ADCY3: variants seen among roughly 807,000 people sequenced by gnomAD.
The protein encoded by ADCY3 is adenylate cyclase 3, also known as adenylate cyclase type 3.
In ADCY3, 70 loss-of-function variants were observed where a neutral mutation model predicts 119.4. The ratio of observed to expected loss-of-function variants is 0.59; its 90% confidence interval spans 0.48 to 0.72. ADCY3 has a LOEUF of 0.72. ADCY3 is among the 30% of genes least tolerant of loss of function. The pLI, the probability that ADCY3 is intolerant of heterozygous loss-of-function variation, is 0.00. For synonymous variants in ADCY3, 672 were observed against 621.4 expected (o/e 1.08, Z -1.21); for missense variants, 1,238 against 1,541.6 (o/e 0.80, Z 3.30).
rs1671533052 is a variant in ADCY3, at chr2:24,845,278, G to GA, written c.826-2895dup. On this transcript the variant is annotated intron_variant, in intron 3 of 21. Transcript: ENST00000679454. The stretch of plus-strand genomic sequence containing the variant: ...AGGTCAGAACAGTTTGGAGGGCTCA[G>GA]AAGAAGACAGGAAACTGTGGGGAAG... 2.6e-5 allele frequency among the ~76,000 whole-genome samples: 4 copies of GA among 152,356 alleles called. No individual in the cohort carries two copies. In the South Asian group the frequency reaches 8.3e-4, roughly 32 times the overall value.
intron 15 of ADCY3, 103 bp from the exon 16 acceptor site, chr2:24,826,229 T>A: frequency 9.6e-7 from 1 of 1,036,494 alleles, no homozygotes; most frequent in Non-Finnish European, 1.5e-6. Flanking sequence ...ACCCCAGCCC[T>A]AGAGCTCACC....
intron 2 of ADCY3, among the ~76,000 whole-genome samples, chr2:24,886,171 C>T (rs1348885987): frequency 6.6e-6 from 1 of 152,216 alleles, no homozygotes; most frequent in Admixed American, 6.5e-5. Flanking sequence ...CCACTGTGTT[C>T]CCAGCACTCA....
intron 3 of ADCY3, among the ~76,000 whole-genome samples, chr2:24,861,585 G>A (rs1417570756): frequency 1.3e-5 from 2 of 152,050 alleles, no homozygotes; most frequent in African/African-American, 4.8e-5. Context: ...TTCTCATGAG[G>A]AGCTTTTACA....
chr2:24,831,781 C>T, intron 11 of ADCY3, 32 bp from the exon 12 acceptor site: 1 of 1,503,042 alleles, frequency 6.7e-7, no homozygotes, highest in South Asian at 1.1e-5. Flanking sequence ...TGGGAGAGGC[C>T]AGAGGGGACA....
rs1036573145 is a variant in ADCY3, at chr2:24,887,171, G to A, written c.676-14452C>T. Among the ~76,000 whole-genome samples the A allele has an allele frequency of 2.6e-5, 4 of 152,316 alleles. 1 individual carries two copies. The highest frequency in any genetic ancestry group is 2.0e-4 in the Admixed American group (3 of 15,302). Reference sequence around the variant, plus strand: ...CACAAAACACCTCCTTCACAAAGCAGCAGGAAGACGTGCCGAGCGAAAGGG... The same window carrying A: ...CACAAAACACCTCCTTCACAAAGCAACAGGAAGACGTGCCGAGCGAAAGGG... On this transcript the variant is annotated intron_variant, in intron 2 of 21. Coordinates refer to ENST00000679454, the MANE Select transcript of ADCY3 (RefSeq NM_004036.5).
rs986998211 is a variant in ADCY3 at position 24,820,292 on chromosome 2, G to A, written c.3253-178C>T. 83 of 1,281,790 alleles carry A rather than the reference G, an allele frequency of 6.5e-5. No individual in the cohort carries two copies. The East Asian group carries it at 2.4e-3, about 37-fold the overall frequency. The allele number at this position is 1,281,790 out of a possible 1,614,324, so 79.4% of individuals were successfully genotyped here. A position where few individuals can be genotyped will look rare whatever the true frequency, so the allele number is the denominator to read the frequency against. ...CCCGTGGCGAGCAGCGGGTGGGAAG[G>A]AGAACCCTGGAGTGACTGGCTGGGG... On this transcript the variant is annotated intron_variant, in intron 21 of 21. Coordinates refer to ENST00000679454, the MANE Select transcript of ADCY3 (RefSeq NM_004036.5).
intron 9 of ADCY3, among the ~76,000 whole-genome samples, chr2:24,836,620 T>C (rs760494104): frequency 2.0e-5 from 3 of 152,202 alleles, no homozygotes; most frequent in Non-Finnish European, 4.4e-5. Flanking sequence ...TAATTTTCCA[T>C]GGATGTCCTC....
chr2:24,823,554 G>C (rs1039097937), intron 17 of ADCY3, among the ~76,000 whole-genome samples, 199 bp from the exon 18 acceptor site: 2 of 149,498 alleles, frequency 1.3e-5, no homozygotes, highest in Non-Finnish European at 3.0e-5. Context: ...TGCAGTGGCA[G>C]TAAACAAGCA....
In ADCY3 at chr2:24,857,991, A is replaced by ATTTTT. The variant is rs56672595; in HGVS notation, c.825+14574_825+14578dup. 7.1e-3 allele frequency among the ~76,000 whole-genome samples: 874 copies of ATTTTT among 122,382 alleles called. 15 individuals carry two copies. The highest frequency in any genetic ancestry group is 0.015 in the African/African-American group (434 of 29,444). 80.3% of individuals were successfully genotyped at this position (122,382 alleles called of 152,430 possible). A position where few individuals can be genotyped will look rare whatever the true frequency, so the allele number is the denominator to read the frequency against. On this transcript the variant is annotated intron_variant, in intron 3 of 21. Transcript: ENST00000679454. ...AAGTCCTGAAATACTTGTGGTCTGA[A>ATTTTT]TTTTTTTTTTTTTTTTTTTTTTTTA...
Position 24,920,204 on chromosome 2 carries a change from C to A in ADCY3, c.-719G>T, listed in dbSNP as rs1241231756. On this transcript the variant is annotated 5_prime_UTR_variant, in exon 1 of 22. Coordinates refer to ENST00000679454, the MANE Select transcript of ADCY3 (RefSeq NM_004036.5). This position sits in a 1 kb window ranked among gnomAD's most constrained non-coding sequence, Gnocchi z 4.5. ...CGGCGTGCTGCACAGCTATTCCCCG[C>A]GCGGCGCCGGCGGCTCCGGGGCCAC... Among the ~76,000 whole-genome samples, 3 of 146,092 alleles carry A rather than the reference C, an allele frequency of 2.1e-5. No individual in the cohort carries two copies. Among genetic ancestry groups the A allele is most frequent in the Non-Finnish European group, 3.0e-5 (2 of 65,726 alleles).
intron 2 of ADCY3, among the ~76,000 whole-genome samples, chr2:24,892,986 T>C (rs1028742222): frequency 6.6e-6 from 1 of 151,866 alleles, no homozygotes; most frequent in Non-Finnish European, 1.5e-5. Context: ...AATTAGGGTT[T>C]GCACAAAATG....
At chr2:24,861,439 G>A (rs1014266408) in intron 3 of ADCY3, among the ~76,000 whole-genome samples, 1 of 152,142 alleles carries the variant, frequency 6.6e-6, no homozygotes. Flanking sequence ...ACACATGTAA[G>A]TAAGGGATGG....
Position 24,919,344 on chromosome 2 carries a change from C to A in ADCY3, c.-197-160G>T. 1 of 255,146 alleles carries A rather than the reference C, an allele frequency of 3.9e-6. No individual in the cohort carries two copies. Among genetic ancestry groups the A allele is most frequent in the South Asian group, 5.7e-5 (1 of 17,646 alleles). 15.8% of individuals were successfully genotyped at this position (255,146 alleles called of 1,614,324 possible). A position where few individuals can be genotyped will look rare whatever the true frequency, so the allele number is the denominator to read the frequency against. On this transcript the variant is annotated intron_variant, in intron 1 of 21. Coordinates refer to ENST00000679454, the MANE Select transcript of ADCY3 (RefSeq NM_004036.5). This position sits in a 1 kb window ranked among gnomAD's most constrained non-coding sequence, Gnocchi z 5.5. The stretch of plus-strand genomic sequence containing the variant: ...CTCACACCACCGCCCACCGCAGGCA[C>A]ACTTAGTCCTGTCCACGCCAGACAC...
intron 3 of ADCY3, among the ~76,000 whole-genome samples, chr2:24,845,909 G>C (rs528928789): frequency 1.6e-4 from 25 of 152,368 alleles, no homozygotes; most frequent in African/African-American, 5.8e-4. Context: ...GGCCGAAAGG[G>C]CCAATGCAGA....
At position 24,834,649 on chromosome 2, in the gene ADCY3, G is replaced by T. The variant is rs1415470729; in HGVS notation, c.1806-3C>A. The T allele has an allele frequency of 6.2e-7, 1 of 1,613,736 alleles. No individual in the cohort carries two copies. The highest frequency in any genetic ancestry group is 8.5e-7 in the Non-Finnish European group (1 of 1,179,730). ...GGAAGGTGTTTCTCTTCTTTACTCT[G>T]CAGTGGGAACAAGCCCCATGAATCC... is the stretch of plus-strand genomic sequence containing the variant. On this transcript the variant is annotated splice_polypyrimidine_tract_variant and splice_region_variant and intron_variant, in intron 10 of 21. Transcript: ENST00000679454. The surrounding 1 kb of genome is among the most constrained non-coding windows in gnomAD (Gnocchi z 4.2).
intron 3 of ADCY3, among the ~76,000 whole-genome samples, chr2:24,862,011 C>A (rs1673721494): frequency 6.6e-6 from 1 of 152,244 alleles, no homozygotes; most frequent in Non-Finnish European, 1.5e-5. Context: ...AGTACCAACA[C>A]CACACAGAGA....
chr2:24,911,119 C>T (rs1442565408), intron 2 of ADCY3, among the ~76,000 whole-genome samples: 1 of 152,042 alleles, frequency 6.6e-6, no homozygotes, highest in Non-Finnish European at 1.5e-5. Flanking sequence ...ACCTCCTCAT[C>T]CCCCAAATTG....
chr2:24,854,445 A>G (rs183459650), intron 3 of ADCY3, among the ~76,000 whole-genome samples: 3 of 152,328 alleles, frequency 2.0e-5, no homozygotes, highest in Admixed American at 6.5e-5. Flanking sequence ...TTCCTTATCT[A>G]TAAAATGGGC....
intron 3 of ADCY3, among the ~76,000 whole-genome samples, chr2:24,865,489 CTGTGTGTGTGTGTGTGTGTGTGTG>C (rs3222240): frequency 1.4e-5 from 2 of 140,428 alleles, no homozygotes; most frequent in African/African-American, 5.2e-5. Flanking sequence ...AGGCTATCAT[CTGTGTGTGTGTGTGTGTGTGTGTG>C]TGTGTGTGTG....
Sources: allele counts gnomAD v4.1 joint callset (sites outside exome capture counted in the v4.1 genomes callset), GRCh38; gene constraint gnomAD v4.1.1; non-coding constraint Gnocchi (gnomAD v3.1); transcripts MANE v1.5; gene names NCBI Gene and HGNC (gene_info 2026-07-23, HGNC 2026-07-21).